The following SEMA5A variants were observed in gnomAD, a reference collection of about 807,000 sequenced individuals.
SEMA5A encodes semaphorin-5A.
A neutral mutation model predicts 135.5 loss-of-function variants in SEMA5A; 55 were observed. That is an observed-to-expected ratio of 0.41 (90% CI 0.33 to 0.51). SEMA5A has a LOEUF of 0.51. SEMA5A is among the 20% of genes least tolerant of loss of function. The pLI, the probability that SEMA5A is intolerant of heterozygous loss-of-function variation, is 0.37. For missense variants in SEMA5A, 1,290 were observed against 1,419.9 expected, an observed-to-expected ratio of 0.91 and a Z score of 1.47; for synonymous variants, 580 against 546.5, an observed-to-expected ratio of 1.06 and a Z score of -0.85.
intron 1 of SEMA5A, among the ~76,000 whole-genome samples, chr5:9,458,538 G>T (rs268538): frequency 0.044 from 6,749 of 152,206 alleles, 262 homozygotes; most frequent in African/African-American, 0.11. Context: ...TCGCCCATAC[G>T]CCACCCAGCA....
chr5:9,364,449 T>G (rs900184593), intron 3 of SEMA5A, among the ~76,000 whole-genome samples: 2 of 152,182 alleles, frequency 1.3e-5, no homozygotes, highest in Non-Finnish European at 2.9e-5. Context: ...GAGCATAGCT[T>G]TTATTCACAA....
At chr5:9,164,264 T>C (rs913027964) in intron 11 of SEMA5A, among the ~76,000 whole-genome samples, 11 of 144,494 alleles carry the variant, frequency 7.6e-5, no homozygotes, top group African/African-American at 2.8e-4. Flanking sequence ...ATTATAAATA[T>C]ATGATATAAA....
At chr5:9,450,291 T>C (rs745452867) in intron 1 of SEMA5A, among the ~76,000 whole-genome samples, 2 of 152,286 alleles carry the variant, frequency 1.3e-5, no homozygotes, top group Middle Eastern at 3.4e-3. Flanking sequence ...AGCTTCCCCT[T>C]AGAAATATAA....
At chr5:9,136,228 A>T (rs1741734987) in intron 13 of SEMA5A, among the ~76,000 whole-genome samples, 2 of 152,058 alleles carry the variant, frequency 1.3e-5, no homozygotes, top group South Asian at 2.1e-4. Context: ...GGAAAAAAAA[A>T]TCCAAGAATA....
At chr5:9,075,771 A>G (rs1474180920) in intron 16 of SEMA5A, among the ~76,000 whole-genome samples, 4 of 152,210 alleles carry the variant, frequency 2.6e-5, no homozygotes, top group Non-Finnish European at 5.9e-5. Flanking sequence ...ATGTATAAAT[A>G]CCTTAAAACT....
At chr5:9,396,252 A>ATG (rs1375455874) in intron 2 of SEMA5A, among the ~76,000 whole-genome samples, 12 of 149,746 alleles carry the variant, frequency 8.0e-5, no homozygotes, top group Non-Finnish European at 1.5e-4. Context: ...GCGTGCACAC[A>ATG]CACACACACA....
At chr5:9,426,054 T>C (rs1332698037) in intron 2 of SEMA5A, among the ~76,000 whole-genome samples, 1 of 152,196 alleles carries the variant, frequency 6.6e-6, no homozygotes, top group East Asian at 1.9e-4. Flanking sequence ...AGTGCTCAGA[T>C]AATGTAAGCA....
intron 22 of SEMA5A, 51 bp from the exon 23 acceptor site, chr5:9,043,067 C>A: frequency 6.8e-7 from 1 of 1,460,124 alleles, no homozygotes; most frequent in Non-Finnish European, 9.5e-7. Flanking sequence ...AGTAGCATTT[C>A]AGAAATAATA....
rs192104456 is a variant in SEMA5A, at chr5:9,379,671, G to A, written c.124+152C>T. ...CTGGATATGAAATTCTAATGATAGA[G>A]GCTTTTGTAGTTTTACCTTTATTTT... is the stretch of plus-strand genomic sequence containing the variant. On this transcript the variant is annotated intron_variant, in intron 3 of 22. Transcript: ENST00000382496. 4.6e-4 allele frequency: 424 copies of A among 926,230 alleles called. 1 individual carries two copies. The African/African-American group carries it at 6.1e-3, about 13-fold the overall frequency. 57.4% of individuals were successfully genotyped at this position (926,230 alleles called of 1,614,324 possible).
At chr5:9,429,144 C>G (rs746252127) in intron 2 of SEMA5A, among the ~76,000 whole-genome samples, 7 of 152,124 alleles carry the variant, frequency 4.6e-5, no homozygotes, top group Non-Finnish European at 7.3e-5. Context: ...TAGCTGAGAA[C>G]TGGTGAACAA....
intron 1 of SEMA5A, among the ~76,000 whole-genome samples, chr5:9,473,832 T>A (rs1229503275): frequency 1.3e-5 from 2 of 152,112 alleles, no homozygotes; most frequent in African/African-American, 4.8e-5. Context: ...GCAGAAGCCA[T>A]GTGTTCTCAT....
chr5:9,066,137 T>C (rs1344843192), intron 17 of SEMA5A, among the ~76,000 whole-genome samples: 2 of 152,236 alleles, frequency 1.3e-5, no homozygotes, highest in African/African-American at 4.8e-5. Context: ...CATTTTCTGA[T>C]ACTGAATAAA....
rs10564647 is a variant in SEMA5A at position 9,330,389 on chromosome 5, C to CA, written c.224+7323dup. Among the ~76,000 whole-genome samples, 355 of 106,900 alleles carry CA rather than the reference C, an allele frequency of 3.3e-3. 1 individual carries two copies. The highest frequency in any genetic ancestry group is 4.4e-3 in the Admixed American group (45 of 10,122). 70.1% of individuals were successfully genotyped at this position (106,900 alleles called of 152,430 possible). The stretch of plus-strand genomic sequence containing the variant: ...TGGGCGACAGAGCGAGACTCTGTCT[C>CA]AAAAAAAAAAAAAAAAGTACAGATT... On this transcript the variant is annotated intron_variant, in intron 4 of 22. Coordinates refer to ENST00000382496, the MANE Select transcript of SEMA5A (RefSeq NM_003966.3).
chr5:9,114,689 G>A (rs1275081814), intron 15 of SEMA5A, among the ~76,000 whole-genome samples: 1 of 152,192 alleles, frequency 6.6e-6, no homozygotes, highest in East Asian at 1.9e-4. Flanking sequence ...GCTGCTTACA[G>A]TGAAATGTAG....
intron 3 of SEMA5A, among the ~76,000 whole-genome samples, chr5:9,378,742 C>T (rs1755470215): frequency 2.0e-5 from 3 of 152,144 alleles, no homozygotes; most frequent in South Asian, 2.1e-4. Flanking sequence ...ACTTAAATCT[C>T]GATTTGACTT....
chr5:9,111,086 G>T (rs1694495634), intron 15 of SEMA5A, among the ~76,000 whole-genome samples: 1 of 152,176 alleles, frequency 6.6e-6, no homozygotes. Context: ...CTTGTTTTGA[G>T]AACATATTTT....
In SEMA5A at chr5:9,132,874, C is replaced by T. The variant is rs144874018; in HGVS notation, c.1599+3630G>A. 8.5e-4 allele frequency among the ~76,000 whole-genome samples: 130 copies of T among 152,318 alleles called. 1 individual carries two copies. The East Asian group carries it at 0.023, about 26-fold the overall frequency. On this transcript the variant is annotated intron_variant, in intron 13 of 22. Coordinates refer to ENST00000382496, the MANE Select transcript of SEMA5A (RefSeq NM_003966.3). Reference sequence around the variant, plus strand: ...AAAATATTTGGTCTCATTCAAAAATCCCTCAGCTTATAAAGCTTAATTTCC... The same window carrying T: ...AAAATATTTGGTCTCATTCAAAAATTCCTCAGCTTATAAAGCTTAATTTCC...
At position 9,193,839 on chromosome 5, in the gene SEMA5A, G is replaced by C. The variant is rs192599386; in HGVS notation, c.1068+3329C>G. Among the ~76,000 whole-genome samples the C allele has an allele frequency of 8.1e-3, 1,227 of 152,318 alleles. 13 individuals carry two copies. Among genetic ancestry groups the C allele is most frequent in the Non-Finnish European group, 0.014 (958 of 68,024 alleles). On this transcript the variant is annotated intron_variant, in intron 10 of 22. Transcript: ENST00000382496. ...TTGAACCCAGGAGGTAGAGGTTCCA[G>C]TGAGCTGAGATCGTACCACTGTACA...
intron 5 of SEMA5A, among the ~76,000 whole-genome samples, chr5:9,278,908 C>T (rs1201172489): frequency 6.6e-6 from 1 of 152,192 alleles, no homozygotes; most frequent in African/African-American, 2.4e-5. Flanking sequence ...AGGGGTGGAC[C>T]CCTCATGGGG....
Sources: allele counts gnomAD v4.1 joint callset (sites outside exome capture counted in the v4.1 genomes callset), GRCh38; gene constraint gnomAD v4.1.1; transcripts MANE v1.5; gene names NCBI Gene and HGNC (gene_info 2026-07-23, HGNC 2026-07-21).